SKAP2: variants seen among roughly 807,000 people sequenced by gnomAD.
The protein encoded by SKAP2 is src kinase associated phosphoprotein 2, also known as src kinase-associated phosphoprotein 2.
A neutral mutation model predicts 54.9 loss-of-function variants in SKAP2; 28 were observed. That is an observed-to-expected ratio of 0.51 (90% CI 0.38 to 0.70). SKAP2 has a LOEUF of 0.70. Ranked by LOEUF, SKAP2 falls within the 30% of genes least tolerant of loss-of-function variation. The probability of loss-of-function intolerance (pLI) is 0.00; values close to 1 mark genes in which losing one functional copy is unlikely to be tolerated. For synonymous variants in SKAP2, 137 were observed against 134.3 expected, an observed-to-expected ratio of 1.02 and a Z score of -0.14; for missense variants, 356 against 424.1, an observed-to-expected ratio of 0.84 and a Z score of 1.41.
At chr7:26,763,814 C>CT (rs1782985045) in intron 4 of SKAP2, among the ~76,000 whole-genome samples, 1 of 151,894 alleles carries the variant, frequency 6.6e-6, no homozygotes, top group Non-Finnish European at 1.5e-5. Flanking sequence ...CCTATTGCTC[C>CT]TAGGCTACAA....
At chr7:26,685,495 A>G (rs1430283704) in intron 10 of SKAP2, among the ~76,000 whole-genome samples, 1 of 152,204 alleles carries the variant, frequency 6.6e-6, no homozygotes, top group Non-Finnish European at 1.5e-5. Context: ...TGAAATTGCC[A>G]GTGTTGAAGC....
rs543162039 is a variant in SKAP2 at position 26,844,357 on chromosome 7, G to A, written c.200-220C>T. Among the ~76,000 whole-genome samples, 104 of 152,034 alleles carry A rather than the reference G, an allele frequency of 6.8e-4. 1 individual carries two copies. The highest frequency in any genetic ancestry group is 2.4e-3 in the African/African-American group (99 of 41,492). On this transcript the variant is annotated intron_variant, in intron 3 of 12. Transcript: ENST00000345317. ...TTAGATATAGTAAGAATTTTTGAAG[G>A]TCATTATACAATTGCTTATTTATGA...
chr7:26,677,164 G>A (rs570367055), intron 11 of SKAP2, among the ~76,000 whole-genome samples: 80 of 152,276 alleles, frequency 5.3e-4, no homozygotes, highest in Middle Eastern at 3.4e-3. Flanking sequence ...GCCGAGGCGG[G>A]AGGATCACCT....
intron 4 of SKAP2, among the ~76,000 whole-genome samples, chr7:26,741,260 C>T (rs1325262436): frequency 1.3e-5 from 2 of 152,072 alleles, no homozygotes; most frequent in Non-Finnish European, 2.9e-5. Flanking sequence ...CTCATGCCTA[C>T]AATCCCAGCA....
At chr7:26,836,585 A>G (rs1035822406) in intron 4 of SKAP2, among the ~76,000 whole-genome samples, 1 of 152,262 alleles carries the variant, frequency 6.6e-6, no homozygotes, top group African/African-American at 2.4e-5. Context: ...ACATAAGAAG[A>G]AAAGCTCATC....
chr7:26,747,359 C>A (rs905520745), intron 4 of SKAP2, among the ~76,000 whole-genome samples: 2 of 152,074 alleles, frequency 1.3e-5, no homozygotes, highest in African/African-American at 4.8e-5. Context: ...GAGGGTTATG[C>A]TTTGGGGAAA....
intron 11 of SKAP2, among the ~76,000 whole-genome samples, chr7:26,672,258 G>A (rs1295140040): frequency 6.6e-6 from 1 of 151,928 alleles, no homozygotes; most frequent in African/African-American, 2.4e-5. Flanking sequence ...TCAACTAAAG[G>A]CATGTTATCA....
chr7:26,709,577 A>G (rs1339152663), intron 9 of SKAP2, among the ~76,000 whole-genome samples: 3 of 152,200 alleles, frequency 2.0e-5, no homozygotes, highest in Non-Finnish European at 4.4e-5. Context: ...ACCTTGTTTC[A>G]CCATCCTTTA....
At chr7:26,734,396 C>A (rs1328657829) in intron 6 of SKAP2, among the ~76,000 whole-genome samples, 1 of 152,160 alleles carries the variant, frequency 6.6e-6, no homozygotes, top group African/African-American at 2.4e-5. Context: ...CTTATTTAGC[C>A]TTACGTGCTC....
the SKAP2 span, among the ~76,000 whole-genome samples, chr7:26,659,960 G>A: frequency 6.6e-6 from 1 of 151,880 alleles, no homozygotes. Flanking sequence ...AGTTTAGGGC[G>A]GCTCTTGCTT....
chr7:26,693,101 G>A (rs754515239), intron 9 of SKAP2, among the ~76,000 whole-genome samples: 3 of 152,184 alleles, frequency 2.0e-5, no homozygotes, highest in Non-Finnish European at 2.9e-5. Flanking sequence ...AGAGGCCCAG[G>A]CGGGTGGATC....
At chr7:26,780,379 A>G (rs75051815) in intron 4 of SKAP2, among the ~76,000 whole-genome samples, 6,059 of 152,204 alleles carry the variant, frequency 0.04, 175 homozygotes, top group Non-Finnish European at 0.063. Flanking sequence ...TGACCTAAAT[A>G]ATTTCCATTG....
intron 2 of SKAP2, 134 bp downstream of exon 2, chr7:26,854,651 C>A: frequency 1.2e-6 from 1 of 852,122 alleles, no homozygotes; most frequent in Non-Finnish European, 1.8e-6. Flanking sequence ...ATTTTTTGCC[C>A]TTCAAAAATA....
At chr7:26,670,869 A>G (rs1236370732) in intron 11 of SKAP2, among the ~76,000 whole-genome samples, 1 of 152,082 alleles carries the variant, frequency 6.6e-6, no homozygotes, top group Non-Finnish European at 1.5e-5. Flanking sequence ...GAATAGGTAG[A>G]AGGAATTTAA....
chr7:26,794,983 T>C (rs1783744436), intron 4 of SKAP2, among the ~76,000 whole-genome samples: 1 of 152,200 alleles, frequency 6.6e-6, no homozygotes, highest in African/African-American at 2.4e-5. Flanking sequence ...TTGAACCTGG[T>C]GCCTTCCCTA....
chr7:26,783,832 A>G (rs1783477231), intron 4 of SKAP2, among the ~76,000 whole-genome samples: 2 of 152,124 alleles, frequency 1.3e-5, no homozygotes, highest in Admixed American at 1.3e-4. Flanking sequence ...TAGGAGATAT[A>G]CCTAACGCTA....
intron 4 of SKAP2, among the ~76,000 whole-genome samples, chr7:26,817,559 GACA>G (rs1204783800): frequency 2.6e-5 from 4 of 152,038 alleles, no homozygotes; most frequent in South Asian, 2.1e-4. Flanking sequence ...TACAATTGCA[GACA>G]ACAACATTAA....
At chr7:26,713,686 G>A (rs1289347105) in intron 9 of SKAP2, among the ~76,000 whole-genome samples, 1 of 151,542 alleles carries the variant, frequency 6.6e-6, no homozygotes, top group African/African-American at 2.4e-5. Context: ...TGCAAGCTCC[G>A]CCTCCTGGGT....
At chr7:26,693,388 A>G (rs1247388616) in intron 9 of SKAP2, among the ~76,000 whole-genome samples, 1 of 151,684 alleles carries the variant, frequency 6.6e-6, no homozygotes, top group Non-Finnish European at 1.5e-5. Flanking sequence ...CACCCAAATC[A>G]GCATGAACAT....
Sources: gnomAD v4.1 joint callset for allele counts (sites outside exome capture counted in the v4.1 genomes callset) on GRCh38, gnomAD v4.1.1 for gene constraint, MANE v1.5 for transcripts, NCBI Gene and HGNC (gene_info 2026-07-23, HGNC 2026-07-21) for gene names.